The following VPS36 variants were observed in gnomAD, a reference collection of about 807,000 sequenced individuals.
VPS36 encodes vacuolar protein sorting 36 homolog.
Under a neutral mutation model 63.5 loss-of-function variants are expected in VPS36, and 31 were observed. The ratio of observed to expected loss-of-function variants is 0.49; its 90% CI spans 0.37 to 0.66. The LOEUF (loss-of-function observed/expected upper bound fraction) is 0.66. Among genes scored for constraint, VPS36 ranks in the 30% least tolerant of loss-of-function variants. The pLI is 0.00. For synonymous variants in VPS36, 138 were observed against 157.2 expected (o/e 0.88, Z 0.91); for missense variants, 338 against 463.7 (o/e 0.73, Z 2.49).
chr13:52,448,561 T>A (rs61959676), intron 1 of VPS36, among the ~76,000 whole-genome samples: 6,040 of 152,332 alleles, frequency 0.04, 136 homozygotes, highest in South Asian at 0.07. Context: ...AAGCAATGTT[T>A]TCCCCATGAT....
At chr13:52,433,136 A>C (rs1958177140) in intron 6 of VPS36, among the ~76,000 whole-genome samples, 1 of 152,168 alleles carries the variant, frequency 6.6e-6, no homozygotes, top group Non-Finnish European at 1.5e-5. Context: ...CTTCTCTTGA[A>C]TTTCCTCATA....
At chr13:52,431,762 CAA>C (rs60968712) in intron 6 of VPS36, among the ~76,000 whole-genome samples, 17 of 68,074 alleles carry the variant, frequency 2.5e-4, no homozygotes, top group East Asian at 5.9e-4. Context: ...GACTCTGTCT[CAA>C]AAAAAAAAAA....
At position 52,425,966 on chromosome 13, in the gene VPS36, T is replaced by A. The variant is rs750941087; in HGVS notation, c.740A>T (p.Lys247Ile). 4.3e-6 allele frequency: 7 copies of A among 1,614,056 alleles called. No homozygotes were observed. The South Asian group carries it at 7.7e-5, about 18-fold the overall frequency. The change falls in exon 9 of 14, where the codon AAA (lysine) becomes ATA (isoleucine). Residue 247 changes from lysine to isoleucine, a missense_variant. Physicochemically the swap from Lys to Ile is moderately radical, Grantham distance 102. Coordinates refer to ENST00000378060, the MANE Select transcript of VPS36 (RefSeq NM_016075.4). ...CACCTGCAATATTCCAGCCAGTTGT[T>A]TGGCCAGCTGCATGTGGTACTGTGT... ...SGTQYHMQLA[K>I]QLAGILQVPL...
At chr13:52,446,311 G>A (rs1958343237) in intron 1 of VPS36, among the ~76,000 whole-genome samples, 1 of 151,012 alleles carries the variant, frequency 6.6e-6, no homozygotes, top group Non-Finnish European at 1.5e-5. Context: ...AGAACATATA[G>A]TTCTGATTAA....
chr13:52,442,650 AAAC>A (rs1361132910), intron 1 of VPS36, among the ~76,000 whole-genome samples: 1 of 152,236 alleles, frequency 6.6e-6, no homozygotes, highest in African/African-American at 2.4e-5. Flanking sequence ...AAAAAAATGC[AAAC>A]AACAACCAGG....
chr13:52,429,675 A>G (rs960828449), intron 6 of VPS36, among the ~76,000 whole-genome samples: 1 of 152,234 alleles, frequency 6.6e-6, no homozygotes, highest in Non-Finnish European at 1.5e-5. Context: ...GGTGAGCACA[A>G]TGCTTATGTA....
At chr13:52,442,138 T>G (rs1052946927) in intron 2 of VPS36, among the ~76,000 whole-genome samples, 1 of 152,200 alleles carries the variant, frequency 6.6e-6, no homozygotes, top group African/African-American at 2.4e-5. Context: ...GTAAAATTTA[T>G]TATTGCATTC....
At chr13:52,420,416 T>A (rs1958034792) in intron 10 of VPS36, among the ~76,000 whole-genome samples, 1 of 151,136 alleles carries the variant, frequency 6.6e-6, no homozygotes, top group Non-Finnish European at 1.5e-5. Context: ...CACTGCAATC[T>A]CCACCTCCCT....
At chr13:52,439,052 A>C (rs1253059289) in intron 3 of VPS36, 46 bp downstream of exon 3, 5 of 1,572,198 alleles carry the variant, frequency 3.2e-6, no homozygotes, top group Non-Finnish European at 3.5e-6. Flanking sequence ...ATAGCATAAC[A>C]GGAAATGTTT....
chr13:52,420,424 C>A (rs1038794974), intron 10 of VPS36, among the ~76,000 whole-genome samples: 11 of 151,754 alleles, frequency 7.2e-5, no homozygotes, highest in African/African-American at 2.7e-4. Context: ...TCTCCACCTC[C>A]CTACTTTAAG....
intron 6 of VPS36, among the ~76,000 whole-genome samples, chr13:52,428,019 G>T (rs1958121476): frequency 6.6e-6 from 1 of 152,102 alleles, no homozygotes; most frequent in Non-Finnish European, 1.5e-5. Flanking sequence ...AACTGAAACA[G>T]TAAGTTTAGC....
chr13:52,420,246 A>G (rs2137773819), intron 10 of VPS36, among the ~76,000 whole-genome samples: 1 of 152,000 alleles, frequency 6.6e-6, no homozygotes, highest in African/African-American at 2.4e-5. Context: ...TGTCTCAAAA[A>G]AAAAAAGGGG....
At chr13:52,433,780 T>G (rs1435240044) in intron 5 of VPS36, 32 bp from the exon 6 acceptor site, 1 of 1,566,198 alleles carries the variant, frequency 6.4e-7, no homozygotes, top group Non-Finnish European at 8.6e-7. Context: ...AAATAAAACA[T>G]ACAAAATAGG....
intron 4 of VPS36, among the ~76,000 whole-genome samples, chr13:52,435,560 C>T (rs1958207834): frequency 6.6e-6 from 1 of 152,154 alleles, no homozygotes; most frequent in South Asian, 2.1e-4. Context: ...TACAACCATT[C>T]TCCATGAAGG....
At position 52,417,761 on chromosome 13, in the gene VPS36, T is replaced by C. The variant is rs572117148; in HGVS notation, c.905+231A>G. On this transcript the variant is annotated intron_variant, in intron 11 of 13. Coordinates refer to ENST00000378060, the MANE Select transcript of VPS36 (RefSeq NM_016075.4). ...TGTCTAAGGGAAGAGGGGCTAGTTA[T>C]TCTGATCTCATGGGAAGAACCCACA... 3.2e-4 allele frequency among the ~76,000 whole-genome samples: 49 copies of C among 152,370 alleles called. No individual in the cohort carries two copies. In the Middle Eastern group the frequency reaches 0.014, roughly 42 times the overall value.
chr13:52,434,744 G>A (rs758138329), intron 5 of VPS36, 49 bp downstream of exon 5: 7 of 1,496,834 alleles, frequency 4.7e-6, no homozygotes, highest in South Asian at 1.2e-5. Flanking sequence ...TAATGAAGAT[G>A]TAAGTACAGA....
At chr13:52,421,107 T>C (rs1249205647) in intron 10 of VPS36, among the ~76,000 whole-genome samples, 6 of 151,982 alleles carry the variant, frequency 3.9e-5, no homozygotes, top group Admixed American at 2.0e-4. Context: ...TGATACTCTG[T>C]CTCAAAAATA....
chr13:52,436,379 G>C lies in VPS36; in HGVS notation c.262C>G (p.Pro88Ala). Residue 88 changes from proline (P) to alanine (A), a missense_variant, in exon 4 of 14, where the codon CCA becomes GCA. Coordinates refer to ENST00000378060, the MANE Select transcript of VPS36 (RefSeq NM_016075.4). ...CCAGGTTCTTTGTTAGGAGGAGCTGGGTGAAGATGAACCACTATTTTGGCA... is the reference window on the plus strand; with the variant it reads ...CCAGGTTCTTTGTTAGGAGGAGCTGCGTGAAGATGAACCACTATTTTGGCA... ...KSAKIVVHLH[P>A]APPNKEPGPF... The C allele has an allele frequency of 6.2e-7, 1 of 1,612,220 alleles. No homozygotes were observed. The highest frequency in any genetic ancestry group is 8.5e-7 in the Non-Finnish European group (1 of 1,179,230).
At chr13:52,449,195 T>C (rs1222793655) in intron 1 of VPS36, among the ~76,000 whole-genome samples, 1 of 152,058 alleles carries the variant, frequency 6.6e-6, no homozygotes, top group Admixed American at 6.6e-5. Context: ...TATGCAAAAA[T>C]TAGCCGGGCA....
Sources: gnomAD v4.1 joint callset for allele counts (sites outside exome capture counted in the v4.1 genomes callset) on GRCh38, gnomAD v4.1.1 for gene constraint, MANE v1.5 for transcripts, NCBI Gene and HGNC (gene_info 2026-07-23, HGNC 2026-07-21) for gene names.